DROSHA: variants seen among roughly 807,000 people sequenced by gnomAD.
DROSHA encodes ribonuclease 3.
Under a neutral mutation model 181.9 loss-of-function variants are expected in DROSHA, and 56 were observed. The ratio of observed to expected loss-of-function variants is 0.31; its 90% CI spans 0.25 to 0.38. DROSHA has a LOEUF of 0.38. Among genes scored for constraint, DROSHA ranks in the 10% least tolerant of loss-of-function variants. The probability of loss-of-function intolerance (pLI) is 1.00; values close to 1 mark genes in which losing one functional copy is unlikely to be tolerated. For synonymous variants in DROSHA, 524 were observed against 591.2 expected (o/e 0.89, Z 1.65); for missense variants, 1,218 against 1,743.5 (o/e 0.70, Z 5.37).
intron 22 of DROSHA, 143 bp from the exon 23 acceptor site, chr5:31,448,750 A>G: frequency 1.6e-6 from 1 of 642,964 alleles, no homozygotes; most frequent in Non-Finnish European, 2.6e-6. Flanking sequence ...GTGATAAACA[A>G]TTATTTAAAA....
chr5:31,493,095 G>T, intron 13 of DROSHA, 112 bp downstream of exon 13: 1 of 1,083,210 alleles, frequency 9.2e-7, no homozygotes, highest in Non-Finnish European at 1.4e-6. Flanking sequence ...ACAGAGGGAT[G>T]CAGAGGAAAT....
In DROSHA at chr5:31,516,555, A is replaced by G. The variant is rs555848290; in HGVS notation, c.948-991T>C. Among the ~76,000 whole-genome samples, 6 of 152,336 alleles carry G rather than the reference A, an allele frequency of 3.9e-5. No homozygotes were observed. The East Asian group carries it at 1.2e-3, about 29-fold the overall frequency. On this transcript the variant is annotated intron_variant, in intron 6 of 35. Coordinates refer to ENST00000344624, the MANE Select transcript of DROSHA (RefSeq NM_001382508.1). ...TTTGGGAGGATTAGAAAGATTATAC[A>G]TATTATTTATATAACTTCCAGACAT...
intron 16 of DROSHA, among the ~76,000 whole-genome samples, chr5:31,481,095 AAT>A (rs1370346434): frequency 1.3e-5 from 2 of 149,664 alleles, no homozygotes; most frequent in African/African-American, 2.5e-5. Context: ...TATATATCAA[AAT>A]GTTTTTTTTT....
chr5:31,449,674 C>CTA (rs1746730004), intron 21 of DROSHA, among the ~76,000 whole-genome samples: 1 of 152,128 alleles, frequency 6.6e-6, no homozygotes, highest in Non-Finnish European at 1.5e-5. Context: ...CTGCAGTGAG[C>CTA]TATGATCATG....
At position 31,403,677 on chromosome 5, in the gene DROSHA, A is replaced by G. The variant is rs115062329; in HGVS notation, c.3994+2000T>C. On this transcript the variant is annotated intron_variant, in intron 35 of 35. Coordinates refer to ENST00000344624, the MANE Select transcript of DROSHA (RefSeq NM_001382508.1). Reference sequence around the variant, plus strand: ...TTTATAAATTTTTATTGGCAGACAGACACACCCATTAAATAGACACATCCA... The same window carrying G: ...TTTATAAATTTTTATTGGCAGACAGGCACACCCATTAAATAGACACATCCA... Among the ~76,000 whole-genome samples the G allele has an allele frequency of 5.1e-3, 771 of 152,324 alleles. 8 individuals carry two copies. The highest frequency in any genetic ancestry group is 0.018 in the African/African-American group (738 of 41,572).
intron 20 of DROSHA, among the ~76,000 whole-genome samples, chr5:31,455,597 T>C (rs1201717023): frequency 6.6e-6 from 1 of 150,970 alleles, no homozygotes; most frequent in East Asian, 1.9e-4. Flanking sequence ...CTTTGGGCAC[T>C]CAGATAAAAG....
At chr5:31,424,292 G>T in intron 28 of DROSHA, 135 bp downstream of exon 28, 1 of 1,129,566 alleles carries the variant, frequency 8.9e-7, no homozygotes, top group Non-Finnish European at 1.3e-6. Context: ...TTCCAGGTCT[G>T]ACACCTCAGC....
At chr5:31,407,020 ACC>A in intron 33 of DROSHA, 75 bp from the exon 34 acceptor site, 1 of 1,308,926 alleles carries the variant, frequency 7.6e-7, no homozygotes, top group Non-Finnish European at 1.1e-6. Flanking sequence ...TATGAGGAAA[ACC>A]ATGTACTTAG....
intron 18 of DROSHA, chr5:31,467,090 A>G (rs1413299272): frequency 8.7e-6 from 1 of 115,206 alleles, no homozygotes; most frequent in African/African-American, 3.2e-5. Flanking sequence ...TCCTTTTTTG[A>G]AAACTTTTTT....
chr5:31,494,619 C>T (rs916631850), intron 12 of DROSHA, among the ~76,000 whole-genome samples: 2 of 151,552 alleles, frequency 1.3e-5, no homozygotes, highest in Non-Finnish European at 2.9e-5. Flanking sequence ...GATCTCACCT[C>T]TGAAAAAAGA....
At chr5:31,438,680 C>T (rs1467771883) in intron 23 of DROSHA, among the ~76,000 whole-genome samples, 1 of 152,160 alleles carries the variant, frequency 6.6e-6, no homozygotes, top group Non-Finnish European at 1.5e-5. Context: ...TAACCTACTG[C>T]TCATGGGCTA....
intron 9 of DROSHA, 97 bp downstream of exon 9, chr5:31,510,938 G>T: frequency 7.0e-7 from 1 of 1,429,538 alleles, no homozygotes; most frequent in Non-Finnish European, 9.5e-7. Context: ...TGAAAAAGAA[G>T]AAATCTCAAT....
At chr5:31,402,827 G>A (rs1740183216) in intron 35 of DROSHA, among the ~76,000 whole-genome samples, 1 of 152,110 alleles carries the variant, frequency 6.6e-6, no homozygotes, top group African/African-American at 2.4e-5. Flanking sequence ...ATTTAGAGAT[G>A]GAATCTCGCT....
chr5:31,451,430 T>C, intron 21 of DROSHA, 103 bp downstream of exon 21: 1 of 967,930 alleles, frequency 1.0e-6, no homozygotes, highest in Non-Finnish European at 1.6e-6. Flanking sequence ...CTAACAATCC[T>C]TGTCACATCC....
intron 26 of DROSHA, among the ~76,000 whole-genome samples, chr5:31,431,366 C>CAGAAAAA (rs1744155099): frequency 1.7e-5 from 1 of 57,648 alleles, no homozygotes; most frequent in African/African-American, 6.7e-5. Flanking sequence ...CAGTAGAATG[C>CAGAAAAA]AAAAAAAAAA....
intron 30 of DROSHA, among the ~76,000 whole-genome samples, chr5:31,414,881 C>A (rs1741762335): frequency 6.6e-6 from 1 of 152,148 alleles, no homozygotes; most frequent in African/African-American, 2.4e-5. Context: ...AAAAATACTT[C>A]CAAAAAGACA....
chr5:31,442,434 C>T (rs188923175), intron 23 of DROSHA, among the ~76,000 whole-genome samples: 204 of 152,232 alleles, frequency 1.3e-3, no homozygotes, highest in Middle Eastern at 3.4e-3. Context: ...TTTAATCACC[C>T]TCTTTATAAA....
chr5:31,514,008 T>C lies in DROSHA; in HGVS notation c.1290+980A>G, dbSNP rs1303641226. Among the ~76,000 whole-genome samples, 1 of 152,126 alleles carries C rather than the reference T, an allele frequency of 6.6e-6. No individual in the cohort carries two copies. Among genetic ancestry groups the C allele is most frequent in the Non-Finnish European group, 1.5e-5 (1 of 68,014 alleles). On this transcript the variant is annotated intron_variant, in intron 8 of 35. Coordinates refer to ENST00000344624, the MANE Select transcript of DROSHA (RefSeq NM_001382508.1). This position sits in a 1 kb window ranked among gnomAD's most constrained non-coding sequence, Gnocchi z 4.4. ...GTAGAAATAGTGGTGGAGTCTGTCA[T>C]GGCAATGAGCACGCCGGCTGTAGCA... is the stretch of plus-strand genomic sequence containing the variant.
chr5:31,511,816 A>G (rs7703802), intron 8 of DROSHA, among the ~76,000 whole-genome samples: 83,298 of 151,814 alleles, frequency 0.55, 23,068 homozygotes, highest in African/African-American at 0.63. Context: ...AAATACCCTC[A>G]TAGGGAATGT....
Sources: gnomAD v4.1 joint callset for allele counts (sites outside exome capture counted in the v4.1 genomes callset) on GRCh38, gnomAD v4.1.1 for gene constraint, Gnocchi (gnomAD v3.1) non-coding constraint, MANE v1.5 for transcripts, NCBI Gene and HGNC (gene_info 2026-07-23, HGNC 2026-07-21) for gene names.